The following GABPB1 variants were observed in gnomAD, a reference collection of about 807,000 sequenced individuals.
The protein encoded by GABPB1 is GA binding protein transcription factor subunit beta 1.
Under a neutral mutation model 45.9 loss-of-function variants are expected in GABPB1, and 15 were observed. That is an observed-to-expected ratio of 0.33 (90% CI 0.22 to 0.50). The LOEUF is 0.50. Among genes scored for constraint, GABPB1 ranks in the 20% least tolerant of loss-of-function variants. GABPB1 has a pLI of 0.98. For synonymous variants in GABPB1, 143 were observed against 154.4 expected (o/e 0.93, Z 0.55); for missense variants, 252 against 457.5 (o/e 0.55, Z 4.10).
At chr15:50,350,720 T>C (rs1022807033) in intron 1 of GABPB1, 1 of 152,110 alleles carries the variant, frequency 6.6e-6, no homozygotes, top group Non-Finnish European at 1.5e-5. Flanking sequence ...AATCCCCAAT[T>C]TGTCAGTGAA....
At chr15:50,290,747 G>A (rs1288980289) in intron 6 of GABPB1, among the ~76,000 whole-genome samples, 1 of 152,182 alleles carries the variant, frequency 6.6e-6, no homozygotes. Context: ...TACAGATGTG[G>A]TACTATGTGA....
In GABPB1 at chr15:50,276,566, C is replaced by G. The variant is rs1226301480; in HGVS notation, c.*2066G>C. The G allele has an allele frequency of 6.6e-6, 1 of 152,168 alleles. No homozygotes were observed. Among genetic ancestry groups the G allele is most frequent in the Non-Finnish European group, 1.5e-5 (1 of 68,042 alleles). The allele number at this position is 152,168 out of a possible 1,614,324, so 9.4% of individuals were successfully genotyped here. On this transcript the variant is annotated 3_prime_UTR_variant, in exon 9 of 9. Coordinates refer to ENST00000380877, the MANE Select transcript of GABPB1 (RefSeq NM_016654.5). ...TATGCCAGCTGTTGTTATTAGGAAT[C>G]AAAATTATTTCTTGCACCAGGTAAA...
intron 1 of GABPB1, among the ~76,000 whole-genome samples, chr15:50,321,789 C>A (rs575062919): frequency 1.3e-5 from 2 of 151,738 alleles, no homozygotes; most frequent in Non-Finnish European, 2.9e-5. Context: ...ATACTTGGAA[C>A]CAAAATCGTC....
intron 1 of GABPB1, among the ~76,000 whole-genome samples, chr15:50,325,170 T>A (rs559984609): frequency 6.6e-6 from 1 of 152,168 alleles, no homozygotes; most frequent in East Asian, 1.9e-4. Context: ...CAGGATGAAA[T>A]TGTTTCCATG....
intron 6 of GABPB1, among the ~76,000 whole-genome samples, chr15:50,299,760 T>C (rs933412089): frequency 6.6e-6 from 1 of 152,196 alleles, no homozygotes; most frequent in African/African-American, 2.4e-5. Flanking sequence ...CATTAAGATT[T>C]TATAACACTC....
intron 1 of GABPB1, among the ~76,000 whole-genome samples, chr15:50,345,132 A>G (rs1489063520): frequency 6.6e-6 from 1 of 152,160 alleles, no homozygotes; most frequent in Non-Finnish European, 1.5e-5. Context: ...ATGAAACAAC[A>G]AAGAAAACAG....
chr15:50,351,498 G>A (rs188072981), intron 1 of GABPB1: 3 of 152,306 alleles, frequency 2.0e-5, no homozygotes, highest in South Asian at 2.1e-4. Flanking sequence ...AGGATCGCTC[G>A]AGCCTGAAAG....
chr15:50,306,567 C>A (rs1229319118), intron 2 of GABPB1, among the ~76,000 whole-genome samples: 2 of 148,504 alleles, frequency 1.3e-5, no homozygotes, highest in Non-Finnish European at 3.0e-5. Context: ...GCAGAGGCTT[C>A]AGTGAGCCAA....
At chr15:50,288,600 G>T (rs2046242409) in intron 7 of GABPB1, among the ~76,000 whole-genome samples, 1 of 152,094 alleles carries the variant, frequency 6.6e-6, no homozygotes, top group African/African-American at 2.4e-5. Flanking sequence ...ATTTCTATGA[G>T]AGTCCTCTTG....
intron 1 of GABPB1, chr15:50,354,040 C>T: frequency 4.2e-6 from 1 of 239,964 alleles, no homozygotes; most frequent in South Asian, 3.6e-5. Context: ...TGAAAACAAG[C>T]TTAAAGTGGG....
intron 6 of GABPB1, among the ~76,000 whole-genome samples, chr15:50,294,921 G>A (rs976187934): frequency 2.9e-4 from 44 of 152,110 alleles, no homozygotes; most frequent in Non-Finnish European, 1.0e-4. Context: ...AAAAAGAAGG[G>A]TGGTCACTGA....
chr15:50,348,324 C>T (rs549517433), intron 1 of GABPB1, among the ~76,000 whole-genome samples: 8 of 152,150 alleles, frequency 5.3e-5, no homozygotes, highest in Non-Finnish European at 7.4e-5. Context: ...GCACAATCTC[C>T]GCTCACTACA....
rs60737647 is a variant in GABPB1, at chr15:50,305,311, G to C, written c.109-1178C>G. ...CTATCTATCTATAGATAGAGAGATA[G>C]ATATATTTTTTGTTTGTTTGTTTGT... On this transcript the variant is annotated intron_variant, in intron 2 of 8. Coordinates refer to ENST00000380877, the MANE Select transcript of GABPB1 (RefSeq NM_016654.5). Among the ~76,000 whole-genome samples, 278 of 145,846 alleles carry C rather than the reference G, an allele frequency of 1.9e-3. 4 individuals are homozygous for C. The highest frequency in any genetic ancestry group is 7.1e-3 in the African/African-American group (273 of 38,184).
chr15:50,341,333 G>C (rs182682857), intron 1 of GABPB1, among the ~76,000 whole-genome samples: 131 of 152,186 alleles, frequency 8.6e-4, no homozygotes, highest in African/African-American at 3.1e-3. Flanking sequence ...CGGAGTTCGA[G>C]ACGAGCCTGA....
At chr15:50,281,897 T>C (rs1223486278) in intron 8 of GABPB1, among the ~76,000 whole-genome samples, 1 of 151,932 alleles carries the variant, frequency 6.6e-6, no homozygotes, top group South Asian at 2.1e-4. Flanking sequence ...AGCCTAGGAG[T>C]GAGAGACTAG....
intron 3 of GABPB1, 115 bp from the exon 4 acceptor site, chr15:50,303,238 T>G (rs566886117): frequency 3.7e-6 from 3 of 802,254 alleles, no homozygotes; most frequent in Non-Finnish European, 5.8e-6. Context: ...AGTCAATTAT[T>G]TATATGTATA....
intron 1 of GABPB1, among the ~76,000 whole-genome samples, chr15:50,326,610 T>C (rs571572521): frequency 3.4e-4 from 52 of 151,970 alleles, no homozygotes; most frequent in Middle Eastern, 3.4e-3. Flanking sequence ...TGCAGTGAGC[T>C]GAGACGGCGC....
At chr15:50,311,761 T>G (rs544697544) in intron 1 of GABPB1, among the ~76,000 whole-genome samples, 1 of 152,242 alleles carries the variant, frequency 6.6e-6, no homozygotes, top group East Asian at 1.9e-4. Flanking sequence ...CTTGAAAAAG[T>G]TATTTCTGCC....
intron 1 of GABPB1, among the ~76,000 whole-genome samples, chr15:50,315,197 T>A (rs1328587525): frequency 3.3e-5 from 5 of 152,160 alleles, no homozygotes; most frequent in Non-Finnish European, 7.4e-5. Flanking sequence ...AGCGGTGAGA[T>A]CATAGTTCAC....
Sources: allele counts gnomAD v4.1 joint callset (sites outside exome capture counted in the v4.1 genomes callset), GRCh38; gene constraint gnomAD v4.1.1; transcripts MANE v1.5; gene names NCBI Gene and HGNC (gene_info 2026-07-23, HGNC 2026-07-21).